The following CSNK1A1 variants were observed in gnomAD, a reference collection of about 807,000 sequenced individuals.
The protein encoded by CSNK1A1 is casein kinase I isoform alpha.
A neutral mutation model predicts 46.1 loss-of-function variants in CSNK1A1; 7 were observed. The ratio of observed to expected loss-of-function variants is 0.15; its 90% CI spans 0.09 to 0.29. CSNK1A1 has a LOEUF of 0.29. CSNK1A1 is among the 10% of genes least tolerant of loss of function. The pLI, the probability that CSNK1A1 is intolerant of heterozygous loss-of-function variation, is 1.00. For missense variants in CSNK1A1, 96 were observed against 417.1 expected, an observed-to-expected ratio of 0.23 and a Z score of 6.71; for synonymous variants, 137 against 141.5, an observed-to-expected ratio of 0.97 and a Z score of 0.23.
chr5:149,513,478 C>A (rs2113093804), intron 4 of CSNK1A1, among the ~76,000 whole-genome samples: 1 of 152,166 alleles, frequency 6.6e-6, no homozygotes, highest in South Asian at 2.1e-4. Flanking sequence ...TACTCAGGAA[C>A]CTGTCTTTAT....
At chr5:149,524,291 GTTTAACTTAAAGCA>G (rs1289341462) in intron 3 of CSNK1A1, among the ~76,000 whole-genome samples, 1 of 152,000 alleles carries the variant, frequency 6.6e-6, no homozygotes, top group Non-Finnish European at 1.5e-5. Flanking sequence ...AGCACACTGA[GTTTAACTTAAAGCA>G]TTTCCAGCAT....
chr5:149,503,988 A>G, intron 9 of CSNK1A1: 1 of 985,294 alleles, frequency 1.0e-6, no homozygotes. Flanking sequence ...TGGGTTAGAG[A>G]CTCTGTTTGG....
intron 2 of CSNK1A1, among the ~76,000 whole-genome samples, chr5:149,547,581 A>G (rs1462782713): frequency 6.6e-6 from 1 of 152,212 alleles, no homozygotes; most frequent in Non-Finnish European, 1.5e-5. Context: ...ATGACCTCAT[A>G]TCGTATGATT....
At chr5:149,506,789 A>C (rs371533146) in intron 8 of CSNK1A1, among the ~76,000 whole-genome samples, 4 of 152,354 alleles carry the variant, frequency 2.6e-5, no homozygotes, top group African/African-American at 9.6e-5. Context: ...CTATTCTGGA[A>C]AAGTTACATT....
At chr5:149,524,212 T>C (rs1350265159) in intron 3 of CSNK1A1, among the ~76,000 whole-genome samples, 1 of 152,182 alleles carries the variant, frequency 6.6e-6, no homozygotes. Context: ...TAGGCAAATC[T>C]GGACTAGAGA....
chr5:149,502,443 G>A, intron 9 of CSNK1A1: 1 of 417,336 alleles, frequency 2.4e-6, no homozygotes, highest in Non-Finnish European at 3.1e-6. Context: ...CCAGGGCTCA[G>A]GTGATACTCC....
rs1006395875 is a variant in CSNK1A1, at chr5:149,535,702, C to G, written c.231-10531G>C. On this transcript the variant is annotated intron_variant, in intron 2 of 9. Coordinates refer to ENST00000377843, the MANE Select transcript of CSNK1A1 (RefSeq NM_001892.6). ...TTGCCCAGACTGGAATGCACTGGCA[C>G]AATCTCGGCTCACTGCAACCTCTCT... is the stretch of plus-strand genomic sequence containing the variant. Among the ~76,000 whole-genome samples the G allele has an allele frequency of 3.9e-5, 6 of 152,270 alleles. 1 individual carries two copies. Among genetic ancestry groups the G allele is most frequent in the Admixed American group, 6.5e-5 (1 of 15,294 alleles).
In CSNK1A1 at chr5:149,493,679, G is replaced by A. The variant is rs976504633; in HGVS notation, c.*3174C>T. On this transcript the variant is annotated 3_prime_UTR_variant, in exon 10 of 10. Coordinates refer to ENST00000377843, the MANE Select transcript of CSNK1A1 (RefSeq NM_001892.6). Reference sequence around the variant, plus strand: ...TTACAATAGAAATGGAAGTTTTGAGGAGGAAGAAAATCCCCCAAAATGTAA... The same window carrying A: ...TTACAATAGAAATGGAAGTTTTGAGAAGGAAGAAAATCCCCCAAAATGTAA... 6.6e-6 allele frequency: 1 copy of A among 151,906 alleles called. No homozygotes were observed. Among genetic ancestry groups the A allele is most frequent in the Non-Finnish European group, 1.5e-5 (1 of 67,998 alleles). 9.4% of individuals were successfully genotyped at this position (151,906 alleles called of 1,614,324 possible). A position where few individuals can be genotyped will look rare whatever the true frequency, so the allele number is the denominator to read the frequency against.
At chr5:149,497,570 A>C (rs1318529345) in intron 9 of CSNK1A1, 2 of 985,314 alleles carry the variant, frequency 2.0e-6, no homozygotes, top group Non-Finnish European at 1.2e-6. Flanking sequence ...TTTGAATACA[A>C]GAAGCCTCAG....
At chr5:149,498,070 G>A in intron 9 of CSNK1A1, 1 of 944,176 alleles carries the variant, frequency 1.1e-6, no homozygotes, top group South Asian at 4.9e-5. Flanking sequence ...CTGACCTCGT[G>A]ATCCACCCGC....
chr5:149,519,183 T>A (rs892214757), intron 4 of CSNK1A1, among the ~76,000 whole-genome samples: 11 of 152,140 alleles, frequency 7.2e-5, no homozygotes, highest in African/African-American at 2.7e-4. Flanking sequence ...TAAAACCTAA[T>A]CAGACCAACA....
chr5:149,524,103 G>A (rs184735290), intron 3 of CSNK1A1, among the ~76,000 whole-genome samples: 1 of 152,266 alleles, frequency 6.6e-6, no homozygotes, highest in East Asian at 1.9e-4. Context: ...AAGTGATAAA[G>A]TAAATAAAGG....
rs1209168246 is a variant in CSNK1A1 at position 149,509,967 on chromosome 5, T to C, written c.676-14A>G. On this transcript the variant is annotated splice_polypyrimidine_tract_variant and intron_variant, in intron 6 of 9. Coordinates refer to ENST00000377843, the MANE Select transcript of CSNK1A1 (RefSeq NM_001892.6). ...CTTTGTTGCAGCCTGTGGAAAAGAA[T>C]AAAATAAAAAAGATATACTCAGTGC... The C allele has an allele frequency of 7.0e-6, 11 of 1,571,868 alleles. No individual in the cohort carries two copies. Among genetic ancestry groups the C allele is most frequent in the Non-Finnish European group, 9.6e-6 (11 of 1,150,640 alleles).
chr5:149,544,758 T>TATATATATATATATATATACAC (rs150989849), intron 2 of CSNK1A1, among the ~76,000 whole-genome samples: 29 of 129,284 alleles, frequency 2.2e-4, no homozygotes, highest in African/African-American at 7.9e-4. Context: ...TATATATATA[T>TATATATATATATATATATACAC]ATATATAGTT....
At chr5:149,503,184 A>G in intron 9 of CSNK1A1, 1 of 985,462 alleles carries the variant, frequency 1.0e-6, no homozygotes, top group Non-Finnish European at 1.2e-6. Context: ...TTCAAACTCC[A>G]GAATTCCTAG....
At chr5:149,499,118 A>G (rs751135173) in intron 9 of CSNK1A1, 41 of 985,282 alleles carry the variant, frequency 4.2e-5, no homozygotes, top group Non-Finnish European at 4.9e-5. Flanking sequence ...AAAAACCTCA[A>G]TAGGAATATT....
rs973708453 is a variant in CSNK1A1 at position 149,498,128 on chromosome 5, A to G, written c.1007-1268T>C. 4 of 985,220 alleles carry G rather than the reference A, an allele frequency of 4.1e-6. No individual in the cohort carries two copies. In the African/African-American group the frequency reaches 5.2e-5, roughly 13 times the overall value. 61.0% of individuals were successfully genotyped at this position (985,220 alleles called of 1,614,324 possible). ...GTTACAGGTGGGAGCCACCGTGCCC[A>G]GCTTCTTTTACTTTTTAAACATTTG... On this transcript the variant is annotated intron_variant, in intron 9 of 9. Coordinates refer to ENST00000377843, the MANE Select transcript of CSNK1A1 (RefSeq NM_001892.6).
chr5:149,515,634 TA>T (rs1338481119), intron 4 of CSNK1A1, among the ~76,000 whole-genome samples: 3 of 152,134 alleles, frequency 2.0e-5, no homozygotes, highest in African/African-American at 7.2e-5. Context: ...TACTTGAAAT[TA>T]AAAAAGGAAA....
intron 2 of CSNK1A1, among the ~76,000 whole-genome samples, chr5:149,535,180 A>G (rs1336333009): frequency 6.6e-6 from 1 of 152,126 alleles, no homozygotes; most frequent in Non-Finnish European, 1.5e-5. Flanking sequence ...TACTTTCTTT[A>G]TTCAACAGCC....
Sources: allele counts gnomAD v4.1 joint callset (sites outside exome capture counted in the v4.1 genomes callset), GRCh38; gene constraint gnomAD v4.1.1; transcripts MANE v1.5; gene names NCBI Gene and HGNC (gene_info 2026-07-23, HGNC 2026-07-21).